Variants in CCNK observed in about 807,000 individuals in gnomAD.
The protein encoded by CCNK is cyclin K.
Under a neutral mutation model 65.0 loss-of-function variants are expected in CCNK, and 9 were observed. The observed-to-expected ratio is 0.14, with a 90% CI of 0.08 to 0.24. CCNK has a LOEUF of 0.24. Among genes scored for constraint, CCNK ranks in the 10% least tolerant of loss-of-function variants. CCNK has a pLI of 1.00. For missense variants in CCNK, 474 were observed against 720.0 expected (o/e 0.66, Z 3.91); for synonymous variants, 279 against 270.8 (o/e 1.03, Z -0.30).
In CCNK at chr14:99,511,381, T is replaced by C. The variant is rs1437172359; in HGVS notation, c.*599T>C. On this transcript the variant is annotated 3_prime_UTR_variant, in exon 11 of 11. Coordinates refer to ENST00000389879, the MANE Select transcript of CCNK (RefSeq NM_001099402.2). ...ATGTACTTGGAAATTAATGTATGTTTACATCTCTTTGCAAATTCCTGTACA... is the reference window on the plus strand; with the variant it reads ...ATGTACTTGGAAATTAATGTATGTTCACATCTCTTTGCAAATTCCTGTACA... 2 of 152,418 alleles carry C rather than the reference T, an allele frequency of 1.3e-5. No individual in the cohort carries two copies. The highest frequency in any genetic ancestry group is 6.5e-5 in the Admixed American group (1 of 15,286). The allele number at this position is 152,418 out of a possible 1,614,324, so 9.4% of individuals were successfully genotyped here. A position where few individuals can be genotyped will look rare whatever the true frequency, so the allele number is the denominator to read the frequency against.
chr14:99,503,122 T>TTG, intron 8 of CCNK, 138 bp downstream of exon 8: 2 of 993,696 alleles, frequency 2.0e-6, no homozygotes, highest in South Asian at 2.6e-5. Flanking sequence ...GTCCGACTGC[T>TTG]TGTCGGTGGG....
At position 99,510,317 on chromosome 14, in the gene CCNK, C is replaced by T. The variant is rs1566755207; in HGVS notation, c.1278C>T (p.Ser426=). The change falls in exon 11 of 11, where the codon TCC becomes TCT. Residue 426 remains serine, a synonymous_variant. Coordinates refer to ENST00000389879, the MANE Select transcript of CCNK (RefSeq NM_001099402.2). ...ACCGGCCCCCGCCCCCACCCCCCTC[C>T]AGCTACATGACCGGGATGTCCACCA... ...LPHRPPPPPP[S]SYMTGMSTTS... The T allele has an allele frequency of 1.3e-6, 2 of 1,574,168 alleles. No individual in the cohort carries two copies. The highest frequency in any genetic ancestry group is 1.7e-6 in the Non-Finnish European group (2 of 1,153,144).
At chr14:99,488,690 C>T (rs1254016880) in intron 1 of CCNK, among the ~76,000 whole-genome samples, 1 of 152,134 alleles carries the variant, frequency 6.6e-6, no homozygotes, top group Admixed American at 6.5e-5. Flanking sequence ...ATTTTTTTTA[C>T]AGTAGTTAAT....
intron 2 of CCNK, 146 bp downstream of exon 2, chr14:99,493,020 G>A (rs1896627716): frequency 1.3e-6 from 1 of 748,896 alleles, no homozygotes; most frequent in Admixed American, 3.7e-5. Flanking sequence ...TTCTGGTGGG[G>A]GTTTTTCTCT....
At chr14:99,493,658 G>A (rs544346796) in intron 3 of CCNK, 63 bp downstream of exon 3, 19 of 1,120,738 alleles carry the variant, frequency 1.7e-5, no homozygotes, top group Non-Finnish European at 2.5e-5. Context: ...CAGTTTGGTG[G>A]ACTAATTATA....
intron 9 of CCNK, chr14:99,504,542 C>T (rs1428200537): frequency 6.6e-6 from 1 of 152,024 alleles, no homozygotes; most frequent in Non-Finnish European, 1.5e-5. Context: ...CCTCCGCCTC[C>T]TGGGTTCAAG....
At position 99,492,579 on chromosome 14, in the gene CCNK, A is replaced by T. The variant is rs188803272; in HGVS notation, c.-52-47A>T. ...TACAATCTATGATTCTAGATTGCTTATAGTATGGAGTATTCCTTTCCAACT... is the reference window on the plus strand; with the variant it reads ...TACAATCTATGATTCTAGATTGCTTTTAGTATGGAGTATTCCTTTCCAACT... On this transcript the variant is annotated intron_variant, in intron 1 of 10. Transcript: ENST00000389879. 71 of 951,356 alleles carry T rather than the reference A, an allele frequency of 7.5e-5. No homozygotes were observed. In the East Asian group the frequency reaches 1.9e-3, roughly 25 times the overall value. 58.9% of individuals were successfully genotyped at this position (951,356 alleles called of 1,614,324 possible).
intron 4 of CCNK, among the ~76,000 whole-genome samples, chr14:99,496,915 GAA>G (rs144282507): frequency 2.7e-4 from 30 of 112,060 alleles, no homozygotes; most frequent in African/African-American, 4.4e-4. Flanking sequence ...TCCACCTCAA[GAA>G]AAAAAAAAAA....
intron 9 of CCNK, 73 bp from the exon 10 acceptor site, chr14:99,507,003 A>G: frequency 1.1e-6 from 1 of 909,298 alleles, no homozygotes; most frequent in Non-Finnish European, 1.9e-6. Flanking sequence ...CTCTGCCAGT[A>G]CATTTTTCTT....
intron 4 of CCNK, chr14:99,500,565 T>C (rs1274169516): frequency 1.8e-6 from 1 of 548,286 alleles, no homozygotes; most frequent in African/African-American, 2.0e-5. Context: ...ACCTCTGCTT[T>C]GTCTTCCTGT....
intron 2 of CCNK, among the ~76,000 whole-genome samples, chr14:99,493,288 C>A (rs1353689641): frequency 1.3e-5 from 2 of 152,094 alleles, no homozygotes; most frequent in African/African-American, 4.8e-5. Flanking sequence ...AAAAAAAGAT[C>A]ATAGTTGAAG....
Position 99,499,372 on chromosome 14 carries a change from T to C in CCNK, c.412-1394T>C, listed in dbSNP as rs558607319. Among the ~76,000 whole-genome samples the C allele has an allele frequency of 1.9e-4, 29 of 152,288 alleles. No homozygotes were observed. The East Asian group carries it at 4.1e-3, about 21-fold the overall frequency. The stretch of plus-strand genomic sequence containing the variant: ...TTACACTGTGTGAAAGTTTCTAAGA[T>C]TTTAAAAAACTTTCATGAGAAAATG... On this transcript the variant is annotated intron_variant, in intron 4 of 10. Coordinates refer to ENST00000389879, the MANE Select transcript of CCNK (RefSeq NM_001099402.2).
rs370109794 is a variant in CCNK, at chr14:99,503,504, G to A, written c.1012-107G>A. The stretch of plus-strand genomic sequence containing the variant: ...CTAGAAATAATTTTTGTCCGAGGCT[G>A]TTCACAGTGACTGCCGTCGCTGATT... On this transcript the variant is annotated intron_variant, in intron 8 of 10. Coordinates refer to ENST00000389879, the MANE Select transcript of CCNK (RefSeq NM_001099402.2). The A allele has an allele frequency of 6.9e-5, 64 of 932,454 alleles. No individual in the cohort carries two copies. In the African/African-American group the frequency reaches 9.4e-4, roughly 14 times the overall value. 57.8% of individuals were successfully genotyped at this position (932,454 alleles called of 1,614,324 possible). A position where few individuals can be genotyped will look rare whatever the true frequency, so the allele number is the denominator to read the frequency against.
At chr14:99,508,147 C>G (rs1270549536) in intron 10 of CCNK, 1 of 152,248 alleles carries the variant, frequency 6.6e-6, no homozygotes, top group East Asian at 1.9e-4. Flanking sequence ...CATTTCTGTT[C>G]CTACTCAATC....
Position 99,493,556 on chromosome 14 carries a change from C to T in CCNK, c.240C>T (p.Arg80=). Residue 80 remains arginine, a synonymous_variant, in exon 3 of 11, where the codon CGC becomes CGT. Transcript: ENST00000389879. ...CAACTGGAATAATTTATTTTCATCG[C>T]TTCTATATGTTTCATTCCTTCAAGC... The part of the protein sequence containing the change: ...TLATGIIYFH[R]FYMFHSFKQF... The T allele has an allele frequency of 6.2e-7, 1 of 1,612,122 alleles. No individual in the cohort carries two copies. The highest frequency in any genetic ancestry group is 8.5e-7 in the Non-Finnish European group (1 of 1,178,824).
At chr14:99,508,514 G>C (rs1897032320) in intron 10 of CCNK, 1 of 152,614 alleles carries the variant, frequency 6.6e-6, no homozygotes, top group African/African-American at 2.4e-5. Context: ...ACTGCCAGGA[G>C]GCCATGGCTG....
chr14:99,503,041 C>A, intron 8 of CCNK, 57 bp downstream of exon 8: 1 of 1,569,026 alleles, frequency 6.4e-7, no homozygotes, highest in Non-Finnish European at 8.8e-7. Context: ...GCGGCAACAC[C>A]TGAGCACTGT....
At position 99,502,395 on chromosome 14, in the gene CCNK, G is replaced by A. The variant is rs368427684; in HGVS notation, c.745+19G>A. The A allele has an allele frequency of 1.2e-4, 198 of 1,610,676 alleles. No homozygotes were observed. The highest frequency in any genetic ancestry group is 1.5e-4 in the Non-Finnish European group (178 of 1,178,148). On this transcript the variant is annotated intron_variant, in intron 7 of 10. Coordinates refer to ENST00000389879, the MANE Select transcript of CCNK (RefSeq NM_001099402.2). ...TTGGAAGGTACCAGGCATGCTAAGC[G>A]TTCTCGTGAGGGTGTTCCATGTTGA...
chr14:99,503,492 T>C lies in CCNK; in HGVS notation c.1012-119T>C. ...TGAAAGTTCAGGCTAGAAATAATTT[T>C]TGTCCGAGGCTGTTCACAGTGACTG... On this transcript the variant is annotated intron_variant, in intron 8 of 10. Coordinates refer to ENST00000389879, the MANE Select transcript of CCNK (RefSeq NM_001099402.2). 2.2e-5 allele frequency: 17 copies of C among 778,994 alleles called. No individual in the cohort carries two copies. In the South Asian group the frequency reaches 2.7e-4, roughly 12 times the overall value. 48.3% of individuals were successfully genotyped at this position (778,994 alleles called of 1,614,324 possible).
Sources: gnomAD v4.1 joint callset for allele counts (sites outside exome capture counted in the v4.1 genomes callset) on GRCh38, gnomAD v4.1.1 for gene constraint, MANE v1.5 for transcripts, NCBI Gene and HGNC (gene_info 2026-07-23, HGNC 2026-07-21) for gene names.